The following GABBR2 variants were observed in gnomAD, a reference collection of about 807,000 sequenced individuals.
The protein encoded by GABBR2 is G-protein coupled receptor 51.
GABBR2 carries 23 observed loss-of-function variants against 105.6 expected under a neutral mutation model. The ratio of observed to expected loss-of-function variants is 0.22; its 90% CI spans 0.16 to 0.31. The LOEUF is 0.31. Ranked by LOEUF, GABBR2 falls within the 10% of genes least tolerant of loss-of-function variation. The pLI is 1.00. For synonymous variants in GABBR2, 478 were observed against 499.7 expected (o/e 0.96, Z 0.58); for missense variants, 734 against 1,245.5 (o/e 0.59, Z 6.18).
rs1831778818 is a variant in GABBR2, at chr9:98,371,319, A to T, written c.1770+145T>A. The T allele has an allele frequency of 4.9e-6, 3 of 611,256 alleles. No homozygotes were observed. The East Asian group carries it at 8.5e-5, about 17-fold the overall frequency. 37.9% of individuals were successfully genotyped at this position (611,256 alleles called of 1,614,324 possible). A position where few individuals can be genotyped will look rare whatever the true frequency, so the allele number is the denominator to read the frequency against. On this transcript the variant is annotated intron_variant, in intron 12 of 18. Coordinates refer to ENST00000259455, the MANE Select transcript of GABBR2 (RefSeq NM_005458.8). The stretch of plus-strand genomic sequence containing the variant: ...GCTTTGTTAACTGTCCGATTTCCCC[A>T]GTAGGGTGAAGGTGGCAGGAGGTAG...
chr9:98,307,756 T>C (rs187972549), intron 14 of GABBR2, among the ~76,000 whole-genome samples: 50 of 152,266 alleles, frequency 3.3e-4, no homozygotes, highest in Non-Finnish European at 5.1e-4. Context: ...GTGGATGAAA[T>C]GGGAGGATGG....
At chr9:98,567,495 T>A (rs1828768405) in intron 2 of GABBR2, among the ~76,000 whole-genome samples, 1 of 152,204 alleles carries the variant, frequency 6.6e-6, no homozygotes, top group South Asian at 2.1e-4. Flanking sequence ...TTCTGAATCA[T>A]CTTCATGGTC....
chr9:98,694,352 C>T (rs1213332630), intron 1 of GABBR2, among the ~76,000 whole-genome samples: 1 of 152,228 alleles, frequency 6.6e-6, no homozygotes, highest in East Asian at 1.9e-4. Flanking sequence ...AATAGCCTGG[C>T]AGTGGATGGC....
At chr9:98,706,100 C>CAAAA (rs1261779483) in intron 1 of GABBR2, among the ~76,000 whole-genome samples, 1 of 31,268 alleles carries the variant, frequency 3.2e-5, no homozygotes, top group African/African-American at 9.4e-5. Context: ...CAAAACAAAA[C>CAAAA]AAAAAAAACA....
chr9:98,510,270 G>C (rs1396887137), intron 3 of GABBR2, among the ~76,000 whole-genome samples: 1 of 152,136 alleles, frequency 6.6e-6, no homozygotes, highest in African/African-American at 2.4e-5. Flanking sequence ...CCTGAAGGAA[G>C]CACTAAACAT....
At chr9:98,408,926 AC>A (rs1375128439) in intron 7 of GABBR2, among the ~76,000 whole-genome samples, 1 of 152,186 alleles carries the variant, frequency 6.6e-6, no homozygotes, top group Non-Finnish European at 1.5e-5. Flanking sequence ...ACAGGCACAC[AC>A]ATCATTACAC....
chr9:98,546,628 T>C (rs939399110), intron 2 of GABBR2, among the ~76,000 whole-genome samples: 7 of 152,378 alleles, frequency 4.6e-5, no homozygotes, highest in African/African-American at 1.4e-4. Context: ...CATTTGCCTG[T>C]CACTTTTTTA....
intron 3 of GABBR2, among the ~76,000 whole-genome samples, chr9:98,529,352 AGGAGTCACGGTGAC>A (rs1003022754): frequency 6.6e-6 from 1 of 152,270 alleles, no homozygotes; most frequent in Non-Finnish European, 1.5e-5. Context: ...TGTAGCCATT[AGGAGTCACGGTGAC>A]GGAGTCACGG....
At chr9:98,693,534 T>C (rs1036598336) in intron 1 of GABBR2, among the ~76,000 whole-genome samples, 1 of 152,218 alleles carries the variant, frequency 6.6e-6, no homozygotes, top group African/African-American at 2.4e-5. Context: ...CCCCAGAGGC[T>C]GGGAGTCACT....
intron 3 of GABBR2, among the ~76,000 whole-genome samples, chr9:98,505,902 A>G (rs1171697441): frequency 1.3e-5 from 2 of 152,130 alleles, no homozygotes; most frequent in Non-Finnish European, 2.9e-5. Context: ...TAAGCCACCT[A>G]GTTTGTGGCG....
intron 1 of GABBR2, among the ~76,000 whole-genome samples, chr9:98,670,094 G>A (rs768591826): frequency 5.9e-5 from 9 of 152,168 alleles, no homozygotes; most frequent in Non-Finnish European, 8.8e-5. Flanking sequence ...CCGAAGGACT[G>A]TGGACTTTCT....
chr9:98,530,249 A>G (rs1211317926), intron 3 of GABBR2, among the ~76,000 whole-genome samples: 1 of 152,190 alleles, frequency 6.6e-6, no homozygotes, highest in Non-Finnish European at 1.5e-5. Context: ...CATGGCAAAA[A>G]TTCCAAAGGA....
chr9:98,317,452 A>G lies in GABBR2; in HGVS notation c.1894-6247T>C, dbSNP rs116794185. Among the ~76,000 whole-genome samples, 1,031 of 152,354 alleles carry G rather than the reference A, an allele frequency of 6.8e-3. 10 individuals carry two copies. Among genetic ancestry groups the G allele is most frequent in the African/African-American group, 0.02 (837 of 41,586 alleles). The stretch of plus-strand genomic sequence containing the variant: ...AAACTGACAGGCAGGGAGTTGGAGC[A>G]TAAGTGGAGGTGTTGAGGCCTGAAA... On this transcript the variant is annotated intron_variant, in intron 13 of 18. Transcript: ENST00000259455.
At chr9:98,537,264 T>C (rs1828199506) in intron 3 of GABBR2, among the ~76,000 whole-genome samples, 1 of 152,198 alleles carries the variant, frequency 6.6e-6, no homozygotes. Flanking sequence ...CCTCAAACAC[T>C]GCGCTAAGTG....
intron 4 of GABBR2, among the ~76,000 whole-genome samples, chr9:98,495,077 GAC>G (rs1466763649): frequency 1.3e-5 from 2 of 152,206 alleles, no homozygotes; most frequent in Non-Finnish European, 1.5e-5. Flanking sequence ...CACAGCCTGT[GAC>G]ACTGCAGGGG....
intron 7 of GABBR2, among the ~76,000 whole-genome samples, chr9:98,439,836 A>T (rs575432066): frequency 1.3e-5 from 2 of 152,310 alleles, no homozygotes; most frequent in East Asian, 3.9e-4. Context: ...CCTTGCACTA[A>T]TTCAGCACAT....
chr9:98,483,981 G>A (rs1826985517), intron 4 of GABBR2, among the ~76,000 whole-genome samples: 1 of 152,216 alleles, frequency 6.6e-6, no homozygotes, highest in Non-Finnish European at 1.5e-5. Flanking sequence ...ACGATGAAGT[G>A]AATTAATCCA....
chr9:98,626,097 G>A (rs75698207), intron 1 of GABBR2, among the ~76,000 whole-genome samples: 1,808 of 152,250 alleles, frequency 0.012, 39 homozygotes, highest in African/African-American at 0.041. Flanking sequence ...GTAGAGATTC[G>A]GAAGTGAACC....
intron 13 of GABBR2, among the ~76,000 whole-genome samples, chr9:98,319,590 G>T (rs1328763385): frequency 6.6e-6 from 1 of 151,970 alleles, no homozygotes; most frequent in African/African-American, 2.4e-5. Context: ...ACTATTCTGT[G>T]CTGGGTGGGG....
Sources: gnomAD v4.1 joint callset for allele counts (sites outside exome capture counted in the v4.1 genomes callset) on GRCh38, gnomAD v4.1.1 for gene constraint, MANE v1.5 for transcripts, NCBI Gene and HGNC (gene_info 2026-07-23, HGNC 2026-07-21) for gene names.